The following GAS7 variants were observed in gnomAD, a reference collection of about 807,000 sequenced individuals.
The protein encoded by GAS7 is growth arrest-specific protein 7.
In GAS7, 28 loss-of-function variants were observed where a neutral mutation model predicts 71.1. The ratio of observed to expected loss-of-function variants is 0.39; its 90% CI spans 0.29 to 0.54. The LOEUF is 0.54. Among genes scored for constraint, GAS7 ranks in the 20% least tolerant of loss-of-function variants. The pLI, the probability that GAS7 is intolerant of heterozygous loss-of-function variation, is 0.62. For synonymous variants in GAS7, 258 were observed against 245.8 expected (o/e 1.05, Z -0.46); for missense variants, 436 against 627.8 (o/e 0.69, Z 3.27).
chr17:10,005,036 T>C (rs1296318704), intron 2 of GAS7, among the ~76,000 whole-genome samples: 9 of 134,974 alleles, frequency 6.7e-5, no homozygotes, highest in Non-Finnish European at 1.1e-4. Context: ...TCTCTATATA[T>C]ACATACATAT....
At chr17:10,185,755 A>T (rs1321526749) in intron 1 of GAS7, among the ~76,000 whole-genome samples, 1 of 152,150 alleles carries the variant, frequency 6.6e-6, no homozygotes, top group East Asian at 1.9e-4. Context: ...ACAACCCAAT[A>T]GAAATATAAG....
rs1467323836 is a variant in GAS7, at chr17:10,019,745, T to C, written c.304+32A>G. Reference sequence around the variant, plus strand: ...CTAGAGAGCCAGAATGCCAGGGGGTTGGTGCAGGATTCTCCCCCGAGCGGG... The same window carrying C: ...CTAGAGAGCCAGAATGCCAGGGGGTCGGTGCAGGATTCTCCCCCGAGCGGG... On this transcript the variant is annotated intron_variant, in intron 2 of 13. Transcript: ENST00000432992. 5 of 1,591,096 alleles carry C rather than the reference T, an allele frequency of 3.1e-6. No individual in the cohort carries two copies. The East Asian group carries it at 1.1e-4, about 36-fold the overall frequency.
chr17:9,949,389 T>C (rs1420930006), intron 5 of GAS7, among the ~76,000 whole-genome samples: 2 of 152,152 alleles, frequency 1.3e-5, no homozygotes. Flanking sequence ...TTAAAAACAA[T>C]AATAATAAAC....
At chr17:10,096,272 T>A (rs1033560550) in intron 1 of GAS7, among the ~76,000 whole-genome samples, 1 of 152,256 alleles carries the variant, frequency 6.6e-6, no homozygotes, top group African/African-American at 2.4e-5. Flanking sequence ...ATCAGACTTT[T>A]CAATTTATCA....
Position 9,916,580 on chromosome 17 carries a change from T to G in GAS7, c.*648A>C, listed in dbSNP as rs529034175. ...ATTCAGCGCTCAATTTGGGGCTAAT[T>G]TGCCGAATGAGGTAGTTCCATCCTG... is the stretch of plus-strand genomic sequence containing the variant. On this transcript the variant is annotated 3_prime_UTR_variant, in exon 14 of 14. Transcript: ENST00000432992. 22 of 252,816 alleles carry G rather than the reference T, an allele frequency of 8.7e-5. No homozygotes were observed. Among genetic ancestry groups the G allele is most frequent in the African/African-American group, 3.5e-4 (16 of 46,222 alleles). The allele number at this position is 252,816 out of a possible 1,614,324, so 15.7% of individuals were successfully genotyped here.
In GAS7 at chr17:10,048,413, CCCTA is replaced by C. The variant is rs201470120; in HGVS notation, c.184-28520_184-28517del. ...TTTCCTCAGACTTCTCCTCTACCCTCCCTACCAATGGCTAGAGAGCTCTTTCTAC... is the reference window on the plus strand; with the variant it reads ...TTTCCTCAGACTTCTCCTCTACCCTCCCAATGGCTAGAGAGCTCTTTCTAC... On this transcript the variant is annotated intron_variant, in intron 1 of 13. Coordinates refer to ENST00000432992, the MANE Select transcript of GAS7 (RefSeq NM_201433.2). 3.3e-3 allele frequency among the ~76,000 whole-genome samples: 416 copies of C among 127,482 alleles called. 1 individual carries two copies. The highest frequency in any genetic ancestry group is 0.017 in the African/African-American group (391 of 23,280). 83.6% of individuals were successfully genotyped at this position (127,482 alleles called of 152,430 possible).
intron 1 of GAS7, among the ~76,000 whole-genome samples, chr17:10,098,827 C>T (rs906850164): frequency 4.6e-5 from 7 of 152,144 alleles, no homozygotes; most frequent in African/African-American, 9.7e-5. Flanking sequence ...GGTGTGGTGG[C>T]GGGCACCTGT....
At position 10,103,620 on chromosome 17, in the gene GAS7, G is replaced by A. The variant is rs559379456; in HGVS notation, c.184-83723C>T. ...GTGGGCGGATCACCTGAGGTCAGGA[G>A]TTCAAGACCAGCCTGGCCAACATGG... On this transcript the variant is annotated intron_variant, in intron 1 of 13. Coordinates refer to ENST00000432992, the MANE Select transcript of GAS7 (RefSeq NM_201433.2). This position sits in a 1 kb window ranked among gnomAD's most constrained non-coding sequence, Gnocchi z 5.5. Among the ~76,000 whole-genome samples the A allele has an allele frequency of 2.6e-5, 4 of 152,276 alleles. No homozygotes were observed. The highest frequency in any genetic ancestry group is 4.8e-5 in the African/African-American group (2 of 41,552).
intron 1 of GAS7, among the ~76,000 whole-genome samples, chr17:10,126,403 AACGTGCAAACACGCACACACAAACACGC>A (rs2073948443): frequency 6.9e-6 from 1 of 145,360 alleles, no homozygotes. Flanking sequence ...TGCACACACA[AACGTGCAAACACGCACACACAAACACGC>A]AGATGCACAC....
At chr17:10,039,976 G>A (rs1043217270) in intron 1 of GAS7, among the ~76,000 whole-genome samples, 2 of 152,120 alleles carry the variant, frequency 1.3e-5, no homozygotes, top group Admixed American at 6.5e-5. Context: ...TAAAGTTACT[G>A]ACGTGGCTGC....
At chr17:10,080,410 T>C (rs1346709537) in intron 1 of GAS7, among the ~76,000 whole-genome samples, 1 of 152,118 alleles carries the variant, frequency 6.6e-6, no homozygotes, top group East Asian at 1.9e-4. Context: ...GAAATAACCA[T>C]AAAAATAGGC....
chr17:9,957,373 G>C (rs956034071), intron 5 of GAS7, among the ~76,000 whole-genome samples: 22 of 152,172 alleles, frequency 1.4e-4, no homozygotes, highest in Non-Finnish European at 3.2e-4. Context: ...TGCCCATCAG[G>C]GGCCCAACAA....
chr17:10,002,926 A>G (rs2071326446), intron 2 of GAS7, among the ~76,000 whole-genome samples: 1 of 152,230 alleles, frequency 6.6e-6, no homozygotes, highest in Non-Finnish European at 1.5e-5. Flanking sequence ...GTATATACCC[A>G]GCAATAGGAT....
At chr17:10,078,727 G>C (rs1396707293) in intron 1 of GAS7, among the ~76,000 whole-genome samples, 2 of 152,126 alleles carry the variant, frequency 1.3e-5, no homozygotes, top group Non-Finnish European at 2.9e-5. Context: ...TTGGTAGGTA[G>C]GGGGATATAC....
Position 9,974,968 on chromosome 17 carries a change from C to T in GAS7, c.386-5206G>A, listed in dbSNP as rs957475582. On this transcript the variant is annotated intron_variant, in intron 3 of 13. Transcript: ENST00000432992. The surrounding 1 kb of genome is among the most constrained non-coding windows in gnomAD (Gnocchi z 4.0). Reference sequence around the variant, plus strand: ...GGAACCCAAAAGAACATAAGAAAATCAGCCATGAACACTCTCTTATTATAC... The same window carrying T: ...GGAACCCAAAAGAACATAAGAAAATTAGCCATGAACACTCTCTTATTATAC... Among the ~76,000 whole-genome samples, 10 of 152,298 alleles carry T rather than the reference C, an allele frequency of 6.6e-5. No homozygotes were observed. Among genetic ancestry groups the T allele is most frequent in the African/African-American group, 2.4e-4 (10 of 41,564 alleles).
At chr17:10,198,119 G>C in intron 1 of GAS7, 89 bp downstream of exon 1, 1 of 1,308,966 alleles carries the variant, frequency 7.6e-7, no homozygotes, top group Non-Finnish European at 1.1e-6. Flanking sequence ...CGACCGGGAC[G>C]CTGCGGCATC....
chr17:10,196,085 C>T (rs1278975291), intron 1 of GAS7, among the ~76,000 whole-genome samples: 1 of 152,148 alleles, frequency 6.6e-6, no homozygotes, highest in Non-Finnish European at 1.5e-5. Flanking sequence ...GCCTCCCCTT[C>T]GCGGTGCTGT....
chr17:10,003,360 T>C (rs192126033), intron 2 of GAS7, among the ~76,000 whole-genome samples: 79 of 152,290 alleles, frequency 5.2e-4, no homozygotes, highest in Admixed American at 2.0e-3. Context: ...AGTACAGTAA[T>C]ATTGATTATG....
intron 1 of GAS7, among the ~76,000 whole-genome samples, chr17:10,190,825 A>C (rs1182535136): frequency 6.6e-6 from 1 of 151,886 alleles, no homozygotes; most frequent in Non-Finnish European, 1.5e-5. Flanking sequence ...ACTATAGCTG[A>C]TGAGCTAAAA....
Sources: allele counts gnomAD v4.1 joint callset (sites outside exome capture counted in the v4.1 genomes callset), GRCh38; gene constraint gnomAD v4.1.1; non-coding constraint Gnocchi (gnomAD v3.1); transcripts MANE v1.5; gene names NCBI Gene and HGNC (gene_info 2026-07-23, HGNC 2026-07-21).